Variants in TTLL5 observed in about 807,000 individuals in gnomAD.
TTLL5 encodes the protein tubulin polyglutamylase TTLL5.
TTLL5 carries 132 observed loss-of-function variants against 168.4 expected under a neutral mutation model. The observed-to-expected ratio is 0.78, with a 90% CI of 0.68 to 0.91. The LOEUF (loss-of-function observed/expected upper bound fraction) is 0.91. TTLL5 is among the 40% of genes least tolerant of loss of function. The probability of loss-of-function intolerance (pLI) is 0.00; values close to 1 mark genes in which losing one functional copy is unlikely to be tolerated. For missense variants in TTLL5, 1,545 were observed against 1,581.5 expected (o/e 0.98, Z 0.39); for synonymous variants, 546 against 558.6 (o/e 0.98, Z 0.32).
chr14:75,922,768 G>C (rs1242696952), intron 31 of TTLL5, among the ~76,000 whole-genome samples: 1 of 152,058 alleles, frequency 6.6e-6, no homozygotes, highest in Non-Finnish European at 1.5e-5. Context: ...AGGTTTCCCT[G>C]TTTTTCTATT....
At chr14:75,869,828 T>TTTTTTTTTTTTTC (rs2030870496) in intron 29 of TTLL5, among the ~76,000 whole-genome samples, 1 of 130,492 alleles carries the variant, frequency 7.7e-6, no homozygotes, top group Admixed American at 8.0e-5. Context: ...AGTATTTTTT[T>TTTTTTTTTTTTTC]TTTTTTTTTG....
rs575000702 is a variant in TTLL5 at position 75,811,119 on chromosome 14, A to G, written c.3172-8888A>G. ...TGGAGGTAGGGGGTGGGAGGGAGAA[A>G]TAGAGGGGGTGGGGAAAGAGAGGGA... On this transcript the variant is annotated intron_variant, in intron 27 of 31. Transcript: ENST00000298832. 9.9e-4 allele frequency among the ~76,000 whole-genome samples: 128 copies of G among 129,670 alleles called. 1 individual carries two copies. The highest frequency in any genetic ancestry group is 4.3e-3 in the South Asian group (15 of 3,510). The allele number at this position is 129,670 out of a possible 152,430, so 85.1% of individuals were successfully genotyped here.
intron 20 of TTLL5, among the ~76,000 whole-genome samples, chr14:75,770,789 T>C (rs916307296): frequency 2.0e-5 from 3 of 152,208 alleles, no homozygotes; most frequent in East Asian, 3.8e-4. Flanking sequence ...CCACTGAACA[T>C]CTGGGCTTGT....
chr14:75,866,793 C>T (rs1406873413), intron 29 of TTLL5, among the ~76,000 whole-genome samples: 1 of 152,168 alleles, frequency 6.6e-6, no homozygotes. Context: ...TAGCATTGCA[C>T]TCATAAATGT....
intron 31 of TTLL5, among the ~76,000 whole-genome samples, chr14:75,937,950 C>G (rs1381042308): frequency 6.6e-6 from 1 of 152,192 alleles, no homozygotes; most frequent in African/African-American, 2.4e-5. Flanking sequence ...TCTGTAGTAG[C>G]TGTACCATTT....
chr14:75,732,384 G>A lies in TTLL5; in HGVS notation c.1089G>A (p.Trp363Ter). Residue 363 changes from tryptophan (W) to a stop codon, truncating the protein, a stop_gained, in exon 13 of 32, where the codon TGG becomes TGA. Coordinates refer to ENST00000298832, the MANE Select transcript of TTLL5 (RefSeq NM_015072.5). LOFTEE classifies it high-confidence loss of function. ...DVLIDSTLKP[W>*]LLEVNLSPSL... ...TCATAGATTCTACTCTGAAGCCATG[G>A]TTGTTGGAAGTGAATCTCTCTCCTT... is the stretch of plus-strand genomic sequence containing the variant. 6.2e-7 allele frequency: 1 copy of A among 1,613,812 alleles called. No individual in the cohort carries two copies. The highest frequency in any genetic ancestry group is 1.1e-5 in the South Asian group (1 of 91,072).
At chr14:75,675,991 A>G (rs1389216966) in intron 3 of TTLL5, among the ~76,000 whole-genome samples, 2 of 152,232 alleles carry the variant, frequency 1.3e-5, no homozygotes, top group Non-Finnish European at 2.9e-5. Flanking sequence ...CCAGTGGTAT[A>G]GATTCCACTC....
At chr14:75,715,566 T>G (rs951682568) in intron 9 of TTLL5, among the ~76,000 whole-genome samples, 1 of 152,134 alleles carries the variant, frequency 6.6e-6, no homozygotes, top group Admixed American at 6.6e-5. Flanking sequence ...AAGATGAACA[T>G]GCACACCTTT....
At chr14:75,923,188 GT>G (rs974958706) in intron 31 of TTLL5, among the ~76,000 whole-genome samples, 1 of 152,124 alleles carries the variant, frequency 6.6e-6, no homozygotes, top group African/African-American at 2.4e-5. Context: ...TTTTTGAAGA[GT>G]TTTTTGTGTC....
chr14:75,735,255 AG>A lies in TTLL5; in HGVS notation c.1248del (p.Glu416AspfsTer24), dbSNP rs1408235770. 1 of 1,614,190 alleles carries A rather than the reference AG, an allele frequency of 6.2e-7. No individual in the cohort carries two copies. The highest frequency in any genetic ancestry group is 1.7e-5 in the Admixed American group (1 of 60,032). On this transcript the variant is annotated frameshift_variant, in exon 15 of 32. Transcript: ENST00000298832. LOFTEE classifies it high-confidence loss of function. ...ASTRPIYPTF[E>X]SSRRNPFQKP... ...ACTCGGCCAATTTATCCCACCTTTG[AG>A]TCTTCCAGGCGAAACCCTTTCCAGA...
At chr14:75,832,409 GTTC>G (rs1895622361) in intron 28 of TTLL5, among the ~76,000 whole-genome samples, 1 of 152,148 alleles carries the variant, frequency 6.6e-6, no homozygotes, top group Non-Finnish European at 1.5e-5. Context: ...TTTAGTGTAT[GTTC>G]TTTTGTGTAG....
chr14:75,803,467 G>A (rs1375333458), intron 27 of TTLL5, among the ~76,000 whole-genome samples: 2 of 152,068 alleles, frequency 1.3e-5, no homozygotes, highest in South Asian at 2.1e-4. Context: ...TGTGAGCAGC[G>A]GCCACTTCAA....
intron 12 of TTLL5, among the ~76,000 whole-genome samples, chr14:75,726,468 A>G (rs1226865647): frequency 2.6e-5 from 4 of 152,180 alleles, no homozygotes; most frequent in African/African-American, 9.7e-5. Context: ...GGTGCAGGCT[A>G]CTTGTAATAC....
intron 28 of TTLL5, among the ~76,000 whole-genome samples, chr14:75,823,958 C>G (rs1372715252): frequency 6.6e-6 from 1 of 152,174 alleles, no homozygotes; most frequent in African/African-American, 2.4e-5. Flanking sequence ...TTCAGAGATT[C>G]TGATTCTAGT....
intron 31 of TTLL5, among the ~76,000 whole-genome samples, chr14:75,926,672 G>C (rs2034081941): frequency 6.6e-6 from 1 of 152,190 alleles, no homozygotes; most frequent in South Asian, 2.1e-4. Context: ...AAGTGGAGAT[G>C]AGGATGTGGA....
intron 30 of TTLL5, among the ~76,000 whole-genome samples, chr14:75,895,754 G>A (rs1332287555): frequency 2.0e-5 from 3 of 151,976 alleles, no homozygotes; most frequent in Non-Finnish European, 4.4e-5. Flanking sequence ...TGTTTAATTC[G>A]AAAAGCTATG....
intron 28 of TTLL5, among the ~76,000 whole-genome samples, chr14:75,840,914 A>T (rs1896193024): frequency 6.6e-6 from 1 of 152,178 alleles, no homozygotes; most frequent in East Asian, 1.9e-4. Flanking sequence ...GCTATACAGG[A>T]AGTGTGGTGC....
intron 27 of TTLL5, 71 bp from the exon 28 acceptor site, chr14:75,819,936 G>C: frequency 6.7e-7 from 1 of 1,502,126 alleles, no homozygotes; most frequent in Non-Finnish European, 8.9e-7. Flanking sequence ...ACTTGATTTT[G>C]CCTATATGTT....
intron 29 of TTLL5, among the ~76,000 whole-genome samples, chr14:75,873,868 G>A (rs561470032): frequency 1.8e-4 from 28 of 152,132 alleles, no homozygotes; most frequent in African/African-American, 5.8e-4. Flanking sequence ...TAAACCTTCC[G>A]GGCCAGAAAC....
Sources: allele counts gnomAD v4.1 joint callset (sites outside exome capture counted in the v4.1 genomes callset), GRCh38; gene constraint gnomAD v4.1.1; transcripts MANE v1.5; gene names NCBI Gene and HGNC (gene_info 2026-07-23, HGNC 2026-07-21).